The following FBXL17 variants were observed in gnomAD, a reference collection of about 807,000 sequenced individuals.
The protein encoded by FBXL17 is F-box and leucine rich repeat protein 17.
In FBXL17, 22 loss-of-function variants were observed where a neutral mutation model predicts 66.2. The observed-to-expected ratio is 0.33, with a 90% CI of 0.24 to 0.47. The LOEUF (loss-of-function observed/expected upper bound fraction) is 0.47, where lower values mean the gene tolerates loss of function less well. FBXL17 is among the 20% of genes least tolerant of loss of function. The pLI is 1.00. For synonymous variants in FBXL17, 474 were observed against 400.5 expected, an observed-to-expected ratio of 1.18 and a Z score of -2.19; for missense variants, 878 against 948.2, an observed-to-expected ratio of 0.93 and a Z score of 0.97.
intron 6 of FBXL17, among the ~76,000 whole-genome samples, chr5:108,162,733 G>T (rs1253287199): frequency 6.6e-6 from 1 of 152,158 alleles, no homozygotes; most frequent in Non-Finnish European, 1.5e-5. Flanking sequence ...TCTCTCATTT[G>T]AAAACTGGGC....
At chr5:108,131,482 T>C (rs887411378) in intron 6 of FBXL17, among the ~76,000 whole-genome samples, 1 of 152,134 alleles carries the variant, frequency 6.6e-6, no homozygotes, top group African/African-American at 2.4e-5. Flanking sequence ...GCATTATTAG[T>C]TTTAATAATG....
chr5:108,107,550 A>C (rs955103555), intron 6 of FBXL17, among the ~76,000 whole-genome samples: 29 of 152,064 alleles, frequency 1.9e-4, no homozygotes, highest in Admixed American at 7.2e-4. Flanking sequence ...CGGTGGCTCA[A>C]GCCTGTAATC....
At chr5:108,283,140 T>C (rs1273721299) in intron 4 of FBXL17, among the ~76,000 whole-genome samples, 2 of 151,208 alleles carry the variant, frequency 1.3e-5, no homozygotes, top group Non-Finnish European at 3.0e-5. Context: ...TTTACACAAG[T>C]ACAAAAAAAA....
At chr5:108,355,749 A>G (rs1204210336) in intron 3 of FBXL17, among the ~76,000 whole-genome samples, 1 of 152,228 alleles carries the variant, frequency 6.6e-6, no homozygotes, top group Non-Finnish European at 1.5e-5. Context: ...GCTAAGAAAG[A>G]GAGAAAACTG....
At chr5:108,034,916 G>A (rs1038923569) in intron 6 of FBXL17, among the ~76,000 whole-genome samples, 1 of 152,014 alleles carries the variant, frequency 6.6e-6, no homozygotes, top group African/African-American at 2.4e-5. Flanking sequence ...TGACATGAAG[G>A]GTAATTTATC....
At chr5:108,233,444 T>C (rs888728769) in intron 4 of FBXL17, among the ~76,000 whole-genome samples, 38 of 152,072 alleles carry the variant, frequency 2.5e-4, no homozygotes, top group South Asian at 2.1e-4. Flanking sequence ...AGGCAATAGG[T>C]AAGAATTAGT....
At chr5:108,286,990 T>C (rs1757924485) in intron 4 of FBXL17, among the ~76,000 whole-genome samples, 1 of 151,644 alleles carries the variant, frequency 6.6e-6, no homozygotes, top group South Asian at 2.1e-4. Flanking sequence ...CCTACAACAA[T>C]CTAATCTTCA....
chr5:107,881,524 CTT>C (rs1748790154), intron 7 of FBXL17, among the ~76,000 whole-genome samples: 2 of 152,094 alleles, frequency 1.3e-5, no homozygotes, highest in African/African-American at 4.8e-5. Context: ...CAAGTACTAA[CTT>C]AATTTTACCC....
At chr5:108,269,786 G>T (rs1757191875) in intron 4 of FBXL17, among the ~76,000 whole-genome samples, 1 of 151,972 alleles carries the variant, frequency 6.6e-6, no homozygotes, top group African/African-American at 2.4e-5. Context: ...CCACAAAAAA[G>T]CTATTCAATA....
In FBXL17 at chr5:107,946,255, TTATATATATATATATATATATATATA is replaced by T. The variant is rs55643516; in HGVS notation, c.1823-65102_1823-65077del. ...TATTATTACTTTTATCAATCTCATT[TTATATATATATATATATATATATATA>T]TATATATATATATATATATATATAT... On this transcript the variant is annotated intron_variant, in intron 7 of 8. Transcript: ENST00000542267. 2.9e-3 allele frequency among the ~76,000 whole-genome samples: 116 copies of T among 40,400 alleles called. 4 individuals are homozygous for T. In the South Asian group the frequency reaches 0.044, roughly 15 times the overall value. The allele number at this position is 40,400 out of a possible 152,430, so 26.5% of individuals were successfully genotyped here.
chr5:107,900,339 C>T (rs1203736156), intron 7 of FBXL17, among the ~76,000 whole-genome samples: 1 of 152,072 alleles, frequency 6.6e-6, no homozygotes, highest in Non-Finnish European at 1.5e-5. Context: ...AACTATTTTT[C>T]AGGTCAAGAG....
chr5:108,060,013 T>C lies in FBXL17; in HGVS notation c.1746-39012A>G, dbSNP rs147892317. Reference sequence around the variant, plus strand: ...TATACTGAATATATATAAAAACCTATATATCCTGAATATATATATTTACAT... The same window carrying C: ...TATACTGAATATATATAAAAACCTACATATCCTGAATATATATATTTACAT... On this transcript the variant is annotated intron_variant, in intron 6 of 8. Coordinates refer to ENST00000542267, the MANE Select transcript of FBXL17 (RefSeq NM_001163315.3). 5.4e-3 allele frequency among the ~76,000 whole-genome samples: 820 copies of C among 150,556 alleles called. 7 individuals carry two copies. Among genetic ancestry groups the C allele is most frequent in the South Asian group, 0.022 (105 of 4,794 alleles).
At chr5:108,080,685 A>G (rs1748727539) in intron 6 of FBXL17, among the ~76,000 whole-genome samples, 1 of 152,176 alleles carries the variant, frequency 6.6e-6, no homozygotes, top group African/African-American at 2.4e-5. Context: ...AAAAGGCAAG[A>G]TAACTGGAAG....
chr5:108,303,391 CACACAT>C lies in FBXL17; in HGVS notation c.1506+45002_1506+45007del, dbSNP rs199631461. 3.3e-3 allele frequency among the ~76,000 whole-genome samples: 489 copies of C among 148,460 alleles called. 1 individual carries two copies. Among genetic ancestry groups the C allele is most frequent in the Non-Finnish European group, 5.1e-3 (335 of 66,192 alleles). ...ACACACACACACACACACACACACA[CACACAT>C]ACCCACACACAAGCAACACTACTTA... On this transcript the variant is annotated intron_variant, in intron 4 of 8. Transcript: ENST00000542267.
At chr5:108,320,972 T>C (rs1759591997) in intron 4 of FBXL17, among the ~76,000 whole-genome samples, 1 of 151,844 alleles carries the variant, frequency 6.6e-6, no homozygotes, top group Non-Finnish European at 1.5e-5. Context: ...CGAAGTTAAA[T>C]AAATAATTAC....
rs150717915 is a variant in FBXL17, at chr5:108,224,199, A to G, written c.1536T>C (p.Ala512=). The part of the protein sequence containing the change: ...LVTDQSVKAF[A]EHCPELQYVG... ...CATATTGAAGCTCAGGACAGTGTTC[A>G]GCAAATGCTTTCACTGACTGATCTG... The change falls in exon 5 of 9, where the codon GCT becomes GCC. Residue 512 remains alanine, a synonymous_variant. Coordinates refer to ENST00000542267, the MANE Select transcript of FBXL17 (RefSeq NM_001163315.3). The G allele has an allele frequency of 1.2e-6, 2 of 1,609,190 alleles. No homozygotes were observed. Among genetic ancestry groups the G allele is most frequent in the South Asian group, 1.1e-5 (1 of 90,274 alleles).
intron 5 of FBXL17, among the ~76,000 whole-genome samples, chr5:108,201,634 T>G (rs1354511098): frequency 6.6e-6 from 1 of 152,020 alleles, no homozygotes; most frequent in Non-Finnish European, 1.5e-5. Context: ...TTTTTCTCAG[T>G]AGTATATTTT....
At chr5:108,144,520 C>A (rs1751483013) in intron 6 of FBXL17, among the ~76,000 whole-genome samples, 1 of 152,066 alleles carries the variant, frequency 6.6e-6, no homozygotes, top group African/African-American at 2.4e-5. Context: ...GGCTACTTGC[C>A]AAGGGTAGAA....
chr5:108,002,593 C>A (rs1017496754), intron 7 of FBXL17, among the ~76,000 whole-genome samples: 4 of 152,006 alleles, frequency 2.6e-5, no homozygotes, highest in Admixed American at 1.3e-4. Context: ...GTCATAGCAG[C>A]ATTATTTATA....
Sources: gnomAD v4.1 joint callset for allele counts (sites outside exome capture counted in the v4.1 genomes callset) on GRCh38, gnomAD v4.1.1 for gene constraint, MANE v1.5 for transcripts, NCBI Gene and HGNC (gene_info 2026-07-23, HGNC 2026-07-21) for gene names.